TMEM117: variants seen among roughly 807,000 people sequenced by gnomAD.
TMEM117 encodes the protein transmembrane protein 117.
In TMEM117, 27 loss-of-function variants were observed where a neutral mutation model predicts 52.4. That is an observed-to-expected ratio of 0.51 (90% CI 0.38 to 0.71). The LOEUF (loss-of-function observed/expected upper bound fraction) is 0.71. Among genes scored for constraint, TMEM117 ranks in the 30% least tolerant of loss-of-function variants. The pLI is 0.00. For missense variants in TMEM117, 556 were observed against 630.5 expected (o/e 0.88, Z 1.26); for synonymous variants, 215 against 206.3 (o/e 1.04, Z -0.36).
chr12:43,846,070 GAGTTGGAACT>G (rs1425472863), intron 2 of TMEM117, among the ~76,000 whole-genome samples: 1 of 151,974 alleles, frequency 6.6e-6, no homozygotes, highest in African/African-American at 2.4e-5. Flanking sequence ...TTCATTCAGG[GAGTTGGAACT>G]ATAAACTTTT....
intron 4 of TMEM117, among the ~76,000 whole-genome samples, chr12:44,200,845 C>T (rs1052981241): frequency 1.3e-5 from 2 of 152,136 alleles, no homozygotes; most frequent in African/African-American, 4.8e-5. Flanking sequence ...GTAGAGTGTG[C>T]TGGCTGAGTG....
chr12:44,247,640 C>A (rs983334523), intron 5 of TMEM117, among the ~76,000 whole-genome samples: 4 of 152,184 alleles, frequency 2.6e-5, no homozygotes, highest in Non-Finnish European at 5.9e-5. Context: ...AAATGGCAAA[C>A]AGATGTATGA....
At chr12:43,979,979 C>T (rs1322011876) in intron 3 of TMEM117, among the ~76,000 whole-genome samples, 4 of 152,158 alleles carry the variant, frequency 2.6e-5, no homozygotes, top group South Asian at 2.1e-4. Flanking sequence ...TTTTTCTTAT[C>T]TCTTGATAAG....
rs151040667 is a variant in TMEM117, at chr12:44,079,549, T to C, written c.411-63976T>C. 8.9e-3 allele frequency among the ~76,000 whole-genome samples: 1,361 copies of C among 152,328 alleles called. 5 individuals carry two copies. Among genetic ancestry groups the C allele is most frequent in the African/African-American group, 0.012 (502 of 41,564 alleles). ...TCTGTTCATATCATTTGCCCACTTT[T>C]TGATGGAATTGTTTGTTTTTTTCTT... On this transcript the variant is annotated intron_variant, in intron 3 of 7. Coordinates refer to ENST00000266534, the MANE Select transcript of TMEM117 (RefSeq NM_032256.3).
At chr12:44,322,107 A>G (rs1951138594) in intron 6 of TMEM117, among the ~76,000 whole-genome samples, 1 of 152,198 alleles carries the variant, frequency 6.6e-6, no homozygotes, top group Admixed American at 6.6e-5. Flanking sequence ...TCATTTGAAT[A>G]AAAGGAATTG....
chr12:43,925,875 C>T lies in TMEM117; in HGVS notation c.278-18335C>T, dbSNP rs750055079. Among the ~76,000 whole-genome samples, 26 of 152,076 alleles carry T rather than the reference C, an allele frequency of 1.7e-4. 1 individual carries two copies. The highest frequency in any genetic ancestry group is 2.8e-4 in the Non-Finnish European group (19 of 68,010). ...TTGCCTATTTCATTTGACATTTAGTCGGAAAGTAGACTATTGAAATGATTG... is the reference window on the plus strand; with the variant it reads ...TTGCCTATTTCATTTGACATTTAGTTGGAAAGTAGACTATTGAAATGATTG... On this transcript the variant is annotated intron_variant, in intron 2 of 7. Transcript: ENST00000266534.
chr12:44,106,904 T>C (rs564418437), intron 3 of TMEM117, among the ~76,000 whole-genome samples: 1 of 152,138 alleles, frequency 6.6e-6, no homozygotes, highest in East Asian at 1.9e-4. Flanking sequence ...AAACAGAGTT[T>C]ATAAAGTACT....
rs1245259256 is a variant in TMEM117, at chr12:44,352,928, CCTATTT to C, written c.769-23664_769-23659del. Among the ~76,000 whole-genome samples the C allele has an allele frequency of 1.6e-3, 240 of 152,216 alleles. 3 individuals are homozygous for C. Among genetic ancestry groups the C allele is most frequent in the African/African-American group, 5.4e-3 (223 of 41,540 alleles). ...GTCCCACCAACAGTGTTAAAGTGTTCCTATTTCTCCACATCCTCTCCAGCACCTGTT... is the reference window on the plus strand; with the variant it reads ...GTCCCACCAACAGTGTTAAAGTGTTCCTCCACATCCTCTCCAGCACCTGTT... On this transcript the variant is annotated intron_variant, in intron 6 of 7. Transcript: ENST00000266534.
rs190439748 is a variant in TMEM117, at chr12:44,090,537, G to C, written c.411-52988G>C. On this transcript the variant is annotated intron_variant, in intron 3 of 7. Transcript: ENST00000266534. ...CTGCAACCTCTGCCTCCCGGGCTCA[G>C]GCAGTTCTACTGCCTCGGCCTCCCG... 4.3e-3 allele frequency among the ~76,000 whole-genome samples: 659 copies of C among 151,758 alleles called. 7 individuals are homozygous for C. The highest frequency in any genetic ancestry group is 0.015 in the African/African-American group (629 of 41,412).
chr12:43,842,591 C>G lies in TMEM117; in HGVS notation c.-28-2033C>G, dbSNP rs866664435. 3.9e-5 allele frequency among the ~76,000 whole-genome samples: 6 copies of G among 152,112 alleles called. No homozygotes were observed. The South Asian group carries it at 1.2e-3, about 32-fold the overall frequency. On this transcript the variant is annotated intron_variant, in intron 1 of 7. Transcript: ENST00000266534. ...GACTCAGGAGCCTTGGAGGCTATCT[C>G]AGATCTTCCATTGACTTACTTCAGG...
chr12:44,002,851 C>T (rs772843978), intron 3 of TMEM117, among the ~76,000 whole-genome samples: 8 of 152,114 alleles, frequency 5.3e-5, no homozygotes, highest in Non-Finnish European at 1.0e-4. Context: ...AATGGGAGGG[C>T]TTTGCTGTTG....
intron 3 of TMEM117, among the ~76,000 whole-genome samples, chr12:44,021,358 G>T (rs572045629): frequency 3.2e-4 from 49 of 152,124 alleles, no homozygotes; most frequent in Admixed American, 2.4e-3. Flanking sequence ...AAGTGAGAAC[G>T]TGCGATCTGG....
chr12:44,178,732 G>A (rs865944194), intron 4 of TMEM117, among the ~76,000 whole-genome samples: 1 of 151,924 alleles, frequency 6.6e-6, no homozygotes, highest in East Asian at 1.9e-4. Flanking sequence ...TACATTATGG[G>A]TTTTTTCCCC....
intron 3 of TMEM117, among the ~76,000 whole-genome samples, chr12:44,038,574 G>C (rs115631505): frequency 0.014 from 2,170 of 152,310 alleles, 63 homozygotes; most frequent in African/African-American, 0.049. Context: ...AGTGTGAGCT[G>C]AGCACAGTCT....
intron 5 of TMEM117, among the ~76,000 whole-genome samples, chr12:44,220,130 T>C (rs1483736231): frequency 6.6e-6 from 1 of 152,170 alleles, no homozygotes; most frequent in East Asian, 1.9e-4. Context: ...GAAAACAGTG[T>C]GTTGACTGGG....
At chr12:43,921,795 CATAGAGAGTCACTCA>C (rs1944698904) in intron 2 of TMEM117, among the ~76,000 whole-genome samples, 1 of 152,128 alleles carries the variant, frequency 6.6e-6, no homozygotes, top group Non-Finnish European at 1.5e-5. Flanking sequence ...TTAGGTTCTG[CATAGAGAGTCACTCA>C]ATGAATATTC....
chr12:44,128,134 T>C (rs1948357663), intron 3 of TMEM117, among the ~76,000 whole-genome samples: 1 of 152,194 alleles, frequency 6.6e-6, no homozygotes, highest in Non-Finnish European at 1.5e-5. Context: ...ATCCTCTGCC[T>C]CTCCAGCCTG....
chr12:44,186,942 C>T (rs1949285715), intron 4 of TMEM117, among the ~76,000 whole-genome samples: 1 of 152,016 alleles, frequency 6.6e-6, no homozygotes, highest in East Asian at 1.9e-4. Flanking sequence ...AAGCAGTTAC[C>T]CTACCTTTAA....
intron 5 of TMEM117, among the ~76,000 whole-genome samples, chr12:44,214,368 A>G (rs2044028479): frequency 1.3e-5 from 2 of 151,816 alleles, no homozygotes. Context: ...GGGTTTTGCC[A>G]TGTTGGCCAG....
Sources: allele counts gnomAD v4.1 joint callset (sites outside exome capture counted in the v4.1 genomes callset), GRCh38; gene constraint gnomAD v4.1.1; transcripts MANE v1.5; gene names NCBI Gene and HGNC (gene_info 2026-07-23, HGNC 2026-07-21).